Variants in MAGI1 observed in about 807,000 individuals in gnomAD.
MAGI1 encodes membrane-associated guanylate kinase, WW and PDZ domain-containing protein 1.
A neutral mutation model predicts 139.9 loss-of-function variants in MAGI1; 58 were observed. That is an observed-to-expected ratio of 0.41 (90% confidence interval 0.34 to 0.52). The LOEUF is 0.52. Among genes scored for constraint, MAGI1 ranks in the 20% least tolerant of loss-of-function variants. The pLI, the probability that MAGI1 is intolerant of heterozygous loss-of-function variation, is 0.12. For synonymous variants in MAGI1, 812 were observed against 737.9 expected, an observed-to-expected ratio of 1.10 and a Z score of -1.63; for missense variants, 1,874 against 1,901.6, an observed-to-expected ratio of 0.99 and a Z score of 0.27.
chr3:65,668,291 G>C (rs138713714), intron 1 of MAGI1, among the ~76,000 whole-genome samples: 1 of 152,262 alleles, frequency 6.6e-6, no homozygotes, highest in Non-Finnish European at 1.5e-5. Context: ...TTAAATAGTT[G>C]TGCACTGGAG....
intron 1 of MAGI1, among the ~76,000 whole-genome samples, chr3:65,735,211 C>G (rs767789014): frequency 5.3e-5 from 8 of 151,966 alleles, no homozygotes; most frequent in Non-Finnish European, 1.2e-4. Context: ...GAATAAGAGC[C>G]ATGTAGACTG....
In MAGI1 at chr3:65,736,160, T is replaced by C. The variant is rs553624877; in HGVS notation, c.314-114072A>G. On this transcript the variant is annotated intron_variant, in intron 1 of 22. Coordinates refer to ENST00000402939, the MANE Select transcript of MAGI1 (RefSeq NM_001033057.2). ...CTGTTACCATCATTCAATTCTCTTA[T>C]GGTTTTCTATGGGTCTTGCCAAAAG... Among the ~76,000 whole-genome samples the C allele has an allele frequency of 4.3e-4, 65 of 152,352 alleles. 1 individual carries two copies. In the South Asian group the frequency reaches 0.013, roughly 30 times the overall value.
chr3:65,892,334 A>G (rs1488024399), intron 1 of MAGI1, among the ~76,000 whole-genome samples: 1 of 152,186 alleles, frequency 6.6e-6, no homozygotes. Flanking sequence ...ATGATCGTCT[A>G]TATTTCAGAG....
At chr3:65,503,382 A>G (rs529536363) in intron 2 of MAGI1, among the ~76,000 whole-genome samples, 1 of 152,312 alleles carries the variant, frequency 6.6e-6, no homozygotes, top group Non-Finnish European at 1.5e-5. Flanking sequence ...GGCAACATAA[A>G]TGGATCCTTT....
At position 65,355,805 on chromosome 3, in the gene MAGI1, G is replaced by A. The variant is rs577831072; in HGVS notation, c.*573C>T. On this transcript the variant is annotated 3_prime_UTR_variant, in exon 23 of 23. Coordinates refer to ENST00000402939, the MANE Select transcript of MAGI1 (RefSeq NM_001033057.2). Reference sequence around the variant, plus strand: ...GTTTAGCTATAAATATCCTTCATTTGCAATAGTAGTCTTGTCATACAGTTT... The same window carrying A: ...GTTTAGCTATAAATATCCTTCATTTACAATAGTAGTCTTGTCATACAGTTT... 1 of 152,726 alleles carries A rather than the reference G, an allele frequency of 6.5e-6. No individual in the cohort carries two copies. Among genetic ancestry groups the A allele is most frequent in the South Asian group, 2.1e-4 (1 of 4,826 alleles). 9.5% of individuals were successfully genotyped at this position (152,726 alleles called of 1,614,324 possible). A position where few individuals can be genotyped will look rare whatever the true frequency, so the allele number is the denominator to read the frequency against.
At chr3:65,538,849 CAACA>C (rs1207863198) in intron 2 of MAGI1, among the ~76,000 whole-genome samples, 3 of 152,132 alleles carry the variant, frequency 2.0e-5, no homozygotes, top group African/African-American at 7.2e-5. Context: ...AACCAACTAC[CAACA>C]AACAGACACA....
chr3:65,427,227 G>A (rs182756111), intron 12 of MAGI1, among the ~76,000 whole-genome samples: 2 of 152,080 alleles, frequency 1.3e-5, no homozygotes, highest in South Asian at 2.1e-4. Context: ...CAGGAAGATC[G>A]CTTGAAACTA....
At chr3:65,759,517 T>C (rs954536276) in intron 1 of MAGI1, among the ~76,000 whole-genome samples, 1 of 152,170 alleles carries the variant, frequency 6.6e-6, no homozygotes, top group African/African-American at 2.4e-5. Context: ...AAGGTTGGGA[T>C]AGAAAACCCA....
Position 65,356,588 on chromosome 3 carries a change from C to T in MAGI1, c.4179G>A (p.Glu1393=). 1 of 1,598,320 alleles carries T rather than the reference C, an allele frequency of 6.3e-7. No homozygotes were observed. Among genetic ancestry groups the T allele is most frequent in the Non-Finnish European group, 8.5e-7 (1 of 1,172,828 alleles). The change falls in exon 23 of 23, where the codon GAG becomes GAA. Residue 1393 remains glutamate (E), a synonymous_variant. Transcript: ENST00000402939. The stretch of plus-strand genomic sequence containing the variant: ...TCCGGTCGGTGGACTTGGCCCTGCG[C>T]TCGGGCGAGCCCCCTCTCCTGCGCT... ...SPERRRGGSP[E]RRAKSTDRRR... is the part of the protein sequence containing the mutation.
intron 1 of MAGI1, among the ~76,000 whole-genome samples, chr3:65,842,804 A>T (rs2058852530): frequency 6.6e-6 from 1 of 152,234 alleles, no homozygotes; most frequent in Non-Finnish European, 1.5e-5. Context: ...TGGAAGGTGA[A>T]GTCATGGTGA....
At chr3:65,721,580 G>GACTC (rs1471082869) in intron 1 of MAGI1, among the ~76,000 whole-genome samples, 8 of 152,190 alleles carry the variant, frequency 5.3e-5, no homozygotes, top group African/African-American at 1.9e-4. Flanking sequence ...CTTAAGCACT[G>GACTC]ACTCCTTCCT....
chr3:65,957,281 C>T (rs1349429917), intron 1 of MAGI1, among the ~76,000 whole-genome samples: 1 of 145,344 alleles, frequency 6.9e-6, no homozygotes, highest in Non-Finnish European at 1.5e-5. Flanking sequence ...TGGGAGGCGT[C>T]GATGGGTAGA....
In MAGI1 at chr3:65,357,691, G is replaced by C. The variant is rs181208878; in HGVS notation, c.3635-559C>G. 4.5e-4 allele frequency among the ~76,000 whole-genome samples: 69 copies of C among 152,206 alleles called. 1 individual carries two copies. Among genetic ancestry groups the C allele is most frequent in the South Asian group, 1.5e-3 (7 of 4,814 alleles). On this transcript the variant is annotated intron_variant, in intron 22 of 22. Coordinates refer to ENST00000402939, the MANE Select transcript of MAGI1 (RefSeq NM_001033057.2). ...GGTGGTGATTAAATGGGCGCATACA[G>C]AAGTGAAAAATCTACTGCACTGTAT...
At chr3:65,499,166 G>GA (rs76525207) in intron 2 of MAGI1, 75,649 of 292,604 alleles carry the variant, frequency 0.26, 10,934 homozygotes, top group East Asian at 0.74. Context: ...TGGTCTCTAG[G>GA]AAAAAAAAAA....
chr3:65,572,203 C>G lies in MAGI1; in HGVS notation c.430+49769G>C, dbSNP rs17073127. Among the ~76,000 whole-genome samples the G allele has an allele frequency of 6.9e-3, 1,047 of 152,192 alleles. 7 individuals are homozygous for G. Among genetic ancestry groups the G allele is most frequent in the African/African-American group, 0.023 (958 of 41,532 alleles). ...CAATACTTTAAGAATAATATCTTAT[C>G]AATATCACCCTATAGAAAGGAACTA... On this transcript the variant is annotated intron_variant, in intron 2 of 22. Transcript: ENST00000402939.
chr3:65,380,992 C>T (rs1179558764), intron 16 of MAGI1, among the ~76,000 whole-genome samples: 1 of 151,934 alleles, frequency 6.6e-6, no homozygotes, highest in Non-Finnish European at 1.5e-5. Context: ...AATATGAATG[C>T]CAAGAGAATT....
rs141910928 is a variant in MAGI1, at chr3:65,852,895, G to A, written c.313+185101C>T. On this transcript the variant is annotated intron_variant, in intron 1 of 22. Transcript: ENST00000402939. ...TCACACCTGTAATCCCAGCACTTTC[G>A]GAAGCCGAGGTGGGCAGATCATGAG... Among the ~76,000 whole-genome samples, 1,394 of 151,766 alleles carry A rather than the reference G, an allele frequency of 9.2e-3. 20 individuals carry two copies. The highest frequency in any genetic ancestry group is 0.032 in the African/African-American group (1,342 of 41,386).
chr3:65,496,680 G>A (rs1232629477), intron 2 of MAGI1, among the ~76,000 whole-genome samples: 1 of 152,148 alleles, frequency 6.6e-6, no homozygotes, highest in East Asian at 1.9e-4. Context: ...AGCATCAGGG[G>A]GATGGAGATG....
intron 1 of MAGI1, among the ~76,000 whole-genome samples, chr3:65,721,924 T>C (rs929027947): frequency 6.6e-6 from 1 of 152,098 alleles, no homozygotes; most frequent in African/African-American, 2.4e-5. Flanking sequence ...ACTTTCCCAG[T>C]GTGTCTCAAC....
Sources: allele counts gnomAD v4.1 joint callset (sites outside exome capture counted in the v4.1 genomes callset), GRCh38; gene constraint gnomAD v4.1.1; transcripts MANE v1.5; gene names NCBI Gene and HGNC (gene_info 2026-07-23, HGNC 2026-07-21).